Variants in TACC1 observed in about 807,000 individuals in gnomAD.
The protein encoded by TACC1 is transforming acidic coiled-coil containing protein 1.
A neutral mutation model predicts 84.4 loss-of-function variants in TACC1; 48 were observed. The ratio of observed to expected loss-of-function variants is 0.57; its 90% confidence interval spans 0.45 to 0.72. The LOEUF (loss-of-function observed/expected upper bound fraction) is 0.72, where lower values mean the gene tolerates loss of function less well. Ranked by LOEUF, TACC1 falls within the 30% of genes least tolerant of loss-of-function variation. TACC1 has a pLI of 0.00. For missense variants in TACC1, 920 were observed against 973.0 expected (o/e 0.95, Z 0.72); for synonymous variants, 372 against 376.3 (o/e 0.99, Z 0.13).
intron 2 of TACC1, among the ~76,000 whole-genome samples, chr8:38,801,553 T>C (rs748934843): frequency 5.3e-5 from 8 of 152,240 alleles, no homozygotes; most frequent in Non-Finnish European, 8.8e-5. Context: ...TGTAAACTCT[T>C]AATTTTGTTT....
chr8:38,744,619 T>G (rs1193903575), intron 2 of TACC1, among the ~76,000 whole-genome samples: 1 of 152,170 alleles, frequency 6.6e-6, no homozygotes, highest in East Asian at 1.9e-4. Flanking sequence ...TCTGCCACTT[T>G]GAGAGATGAC....
At chr8:38,809,369 G>A (rs1245578012) in intron 2 of TACC1, among the ~76,000 whole-genome samples, 2 of 152,094 alleles carry the variant, frequency 1.3e-5, no homozygotes, top group Non-Finnish European at 2.9e-5. Context: ...GATGTCCAGG[G>A]ACAGTTGTTG....
rs148777646 is a variant in TACC1 at position 38,825,347 on chromosome 8, C to A, written c.1431C>A (p.Leu477=). ...TGAAGAAGCATGAAACTCAGTCTCT[C>A]GCCCTGGATGCATGTTCTCGGGTGA... ...CKVKKHETQS[L]ALDACSRDEG... The change falls in exon 4 of 13, where the codon CTC becomes CTA. Residue 477 remains leucine (L), a synonymous_variant. Coordinates refer to ENST00000317827, the MANE Select transcript of TACC1 (RefSeq NM_006283.3). 3 of 1,614,022 alleles carry A rather than the reference C, an allele frequency of 1.9e-6. No homozygotes were observed. The East Asian group carries it at 6.7e-5, about 36-fold the overall frequency.
At chr8:38,763,401 C>G (rs1811596659) in intron 3 of TACC1, among the ~76,000 whole-genome samples, 1 of 152,044 alleles carries the variant, frequency 6.6e-6, no homozygotes, top group Admixed American at 6.5e-5. Flanking sequence ...AAATAATTCT[C>G]CCCCCTCAGC....
intron 3 of TACC1, among the ~76,000 whole-genome samples, chr8:38,765,919 G>C (rs1398170658): frequency 6.6e-6 from 1 of 151,926 alleles, no homozygotes; most frequent in Non-Finnish European, 1.5e-5. Context: ...CCATCTTAAG[G>C]TTGCATTTTA....
chr8:38,775,556 CAGA>C (rs1814648309), intron 3 of TACC1, among the ~76,000 whole-genome samples: 1 of 152,132 alleles, frequency 6.6e-6, no homozygotes, highest in Non-Finnish European at 1.5e-5. Context: ...CCTCATTTGG[CAGA>C]AGAAGGGAGA....
At chr8:38,846,403 G>A (rs1162031619) in intron 11 of TACC1, 7 of 183,394 alleles carry the variant, frequency 3.8e-5, no homozygotes, top group South Asian at 2.4e-4. Flanking sequence ...AGCTGTGATC[G>A]TCTCCAAAAT....
intron 6 of TACC1, 61 bp from the exon 7 acceptor site, chr8:38,836,101 A>G: frequency 6.3e-7 from 1 of 1,595,724 alleles, no homozygotes; most frequent in South Asian, 1.1e-5. Flanking sequence ...AAGTTGTTGA[A>G]GGATGTCTGG....
chr8:38,822,853 C>T (rs1563806502), intron 3 of TACC1, among the ~76,000 whole-genome samples: 1 of 152,270 alleles, frequency 6.6e-6, no homozygotes, highest in East Asian at 1.9e-4. Context: ...CCATTATAAC[C>T]CTACGGGACC....
intron 3 of TACC1, among the ~76,000 whole-genome samples, chr8:38,821,773 G>A (rs116537775): frequency 0.03 from 4,512 of 152,158 alleles, 213 homozygotes; most frequent in African/African-American, 0.1. Flanking sequence ...TTAGCCACAG[G>A]GTAAGCCACA....
At chr8:38,835,150 A>C (rs1829976321) in intron 6 of TACC1, among the ~76,000 whole-genome samples, 2 of 151,608 alleles carry the variant, frequency 1.3e-5, no homozygotes, top group African/African-American at 4.9e-5. Context: ...GCTACTCGGG[A>C]GGCTGAGGCA....
At chr8:38,770,838 G>A (rs2151886838) in intron 3 of TACC1, among the ~76,000 whole-genome samples, 1 of 152,208 alleles carries the variant, frequency 6.6e-6, no homozygotes, top group East Asian at 1.9e-4. Flanking sequence ...ATGGTGTTGT[G>A]GAGGGAGAGT....
At chr8:38,796,733 C>G (rs1250339665) in intron 2 of TACC1, among the ~76,000 whole-genome samples, 2 of 152,178 alleles carry the variant, frequency 1.3e-5, no homozygotes, top group Non-Finnish European at 2.9e-5. Flanking sequence ...CATTCTGTCT[C>G]CACCTGAGTC....
intron 11 of TACC1, 25 bp from the exon 12 acceptor site, chr8:38,846,674 T>C (rs2152338688): frequency 1.2e-6 from 2 of 1,613,598 alleles, no homozygotes; most frequent in Admixed American, 3.3e-5. Context: ...TTTGTCTCTT[T>C]ATTACACCCA....
At chr8:38,757,014 C>T (rs117471926) in intron 3 of TACC1, among the ~76,000 whole-genome samples, 2,556 of 152,312 alleles carry the variant, frequency 0.017, 32 homozygotes, top group Non-Finnish European at 0.025. Flanking sequence ...CACCTGCTGC[C>T]CCGTGCCACC....
rs1819770724 is a variant in TACC1, at chr8:38,795,527, A to T, written c.277+6708A>T. On this transcript the variant is annotated intron_variant, in intron 2 of 12. Transcript: ENST00000317827. ...ATGTAATGTCCCACCTACAAAATGG[A>T]TGTGGCCTAAAGCCATTTAAACATT... Among the ~76,000 whole-genome samples, 3 of 152,228 alleles carry T rather than the reference A, an allele frequency of 2.0e-5. No homozygotes were observed. In the South Asian group the frequency reaches 6.2e-4, roughly 31 times the overall value.
chr8:38,827,408 C>T lies in TACC1; in HGVS notation c.1660+33C>T, dbSNP rs781532579. On this transcript the variant is annotated intron_variant, in intron 5 of 12. Coordinates refer to ENST00000317827, the MANE Select transcript of TACC1 (RefSeq NM_006283.3). ...AGCATATCTTCATCTTTCTAATGTA[C>T]ATAAGCATGGAAATGCCTGAAAGCC... 27 of 1,606,294 alleles carry T rather than the reference C, an allele frequency of 1.7e-5. 1 individual carries two copies. The highest frequency in any genetic ancestry group is 3.3e-5 in the South Asian group (3 of 90,850).
chr8:38,769,545 G>T (rs1165104441), intron 3 of TACC1, among the ~76,000 whole-genome samples: 1 of 145,044 alleles, frequency 6.9e-6, no homozygotes, highest in Non-Finnish European at 1.5e-5. Flanking sequence ...CTGTGTATGG[G>T]TTGGGGGTGG....
intron 3 of TACC1, among the ~76,000 whole-genome samples, 154 bp downstream of exon 3, chr8:38,820,789 G>T (rs1826608605): frequency 6.6e-6 from 1 of 152,080 alleles, no homozygotes; most frequent in African/African-American, 2.4e-5. Flanking sequence ...TTCACTGTTT[G>T]GCTTAACTGT....
Sources: gnomAD v4.1 joint callset for allele counts (sites outside exome capture counted in the v4.1 genomes callset) on GRCh38, gnomAD v4.1.1 for gene constraint, MANE v1.5 for transcripts, NCBI Gene and HGNC (gene_info 2026-07-23, HGNC 2026-07-21) for gene names.